Variants in OXR1 observed in about 807,000 individuals in gnomAD.
The protein encoded by OXR1 is oxidation resistance protein 1.
OXR1 carries 41 observed loss-of-function variants against 104.6 expected under a neutral mutation model. That is an observed-to-expected ratio of 0.39 (90% CI 0.31 to 0.51). OXR1 has a LOEUF of 0.51. Ranked by LOEUF, OXR1 falls within the 20% of genes least tolerant of loss-of-function variation. OXR1 has a pLI of 0.77. For synonymous variants in OXR1, 348 were observed against 348.4 expected (o/e 1.00, Z 0.01); for missense variants, 955 against 1,031.9 (o/e 0.93, Z 1.02).
rs71307084 is a variant in OXR1 at position 106,704,393 on chromosome 8, C to CTTTTTTT, written c.860+1328_860+1334dup. On this transcript the variant is annotated intron_variant, in intron 8 of 16. Coordinates refer to ENST00000517566, the MANE Select transcript of OXR1 (RefSeq NM_001198533.2). ...TTTTTCTTTTTCTTTCTTTCTTCTT[C>CTTTTTTT]TTTTTTTTTTTTTTTTTTTTTTTTT... is the stretch of plus-strand genomic sequence containing the variant. Among the ~76,000 whole-genome samples the CTTTTTTT allele has an allele frequency of 1.6e-3, 78 of 47,870 alleles. 2 individuals carry two copies. Among genetic ancestry groups the CTTTTTTT allele is most frequent in the East Asian group, 5.7e-3 (9 of 1,584 alleles). 31.4% of individuals were successfully genotyped at this position (47,870 alleles called of 152,430 possible).
At chr8:106,724,399 G>A (rs1587247551) in intron 11 of OXR1, among the ~76,000 whole-genome samples, 2 of 152,068 alleles carry the variant, frequency 1.3e-5, no homozygotes, top group African/African-American at 2.4e-5. Context: ...AAAACAGAAA[G>A]GGCAAGAAGG....
intron 3 of OXR1, among the ~76,000 whole-genome samples, chr8:106,669,295 AT>A (rs2131143267): frequency 6.6e-6 from 1 of 152,292 alleles, no homozygotes. Context: ...ATTACAATAC[AT>A]TGTGGATTCT....
At chr8:106,611,455 G>C (rs1359836016) in intron 3 of OXR1, among the ~76,000 whole-genome samples, 3 of 152,186 alleles carry the variant, frequency 2.0e-5, no homozygotes, top group Non-Finnish European at 4.4e-5. Flanking sequence ...GTGAGTGAAT[G>C]GAGAACACAA....
intron 1 of OXR1, among the ~76,000 whole-genome samples, chr8:106,339,204 T>C (rs1000541688): frequency 6.6e-6 from 1 of 151,856 alleles, no homozygotes; most frequent in African/African-American, 2.4e-5. Flanking sequence ...TTGATAAATA[T>C]AACAAAATTG....
chr8:106,624,426 A>C (rs1821980597), intron 3 of OXR1, among the ~76,000 whole-genome samples: 1 of 152,224 alleles, frequency 6.6e-6, no homozygotes, highest in Admixed American at 6.5e-5. Context: ...AATTGTGAGA[A>C]GAAAGCAGAA....
intron 2 of OXR1, among the ~76,000 whole-genome samples, chr8:106,475,522 C>A: frequency 6.6e-6 from 1 of 151,848 alleles, no homozygotes; most frequent in South Asian, 2.1e-4. Flanking sequence ...CTTGGTATAA[C>A]TTTCTGGAAA....
intron 2 of OXR1, among the ~76,000 whole-genome samples, chr8:106,493,359 C>T (rs1252769968): frequency 6.6e-6 from 1 of 152,108 alleles, no homozygotes; most frequent in Non-Finnish European, 1.5e-5. Flanking sequence ...CTCCTTTTAT[C>T]TCTTACCTTT....
chr8:106,553,441 C>T (rs1816028738), intron 3 of OXR1, among the ~76,000 whole-genome samples: 1 of 151,758 alleles, frequency 6.6e-6, no homozygotes, highest in Non-Finnish European at 1.5e-5. Flanking sequence ...ACCTCAGCCT[C>T]CCCCATAGGT....
chr8:106,677,665 G>A (rs1827737524), intron 3 of OXR1, among the ~76,000 whole-genome samples: 1 of 151,950 alleles, frequency 6.6e-6, no homozygotes, highest in South Asian at 2.1e-4. Flanking sequence ...TATATCTTTT[G>A]TGCATATTTT....
At chr8:106,714,226 A>G (rs1832009781) in intron 11 of OXR1, among the ~76,000 whole-genome samples, 1 of 152,020 alleles carries the variant, frequency 6.6e-6, no homozygotes, top group South Asian at 2.1e-4. Flanking sequence ...AATGACTTTT[A>G]TTGAGTGTCT....
chr8:106,303,073 T>C (rs1027507101), intron 1 of OXR1, among the ~76,000 whole-genome samples: 1 of 151,618 alleles, frequency 6.6e-6, no homozygotes, highest in Non-Finnish European at 1.5e-5. Flanking sequence ...TTTTTTTTTT[T>C]AAATTACAGA....
At chr8:106,348,300 C>G (rs538474754) in intron 1 of OXR1, among the ~76,000 whole-genome samples, 1 of 152,222 alleles carries the variant, frequency 6.6e-6, no homozygotes, top group South Asian at 2.1e-4. Context: ...AAAACACACA[C>G]AAACACACAC....
chr8:106,290,778 TA>T (rs1475710412), intron 1 of OXR1, among the ~76,000 whole-genome samples: 1 of 152,088 alleles, frequency 6.6e-6, no homozygotes, highest in Non-Finnish European at 1.5e-5. Flanking sequence ...TGGCTATTAT[TA>T]AAGTCAAACA....
chr8:106,496,700 G>T (rs1238599520), intron 2 of OXR1, among the ~76,000 whole-genome samples: 1 of 152,220 alleles, frequency 6.6e-6, no homozygotes, highest in Non-Finnish European at 1.5e-5. Context: ...GGAAGCCAGG[G>T]AGCTAATGAT....
At chr8:106,440,204 G>T (rs1819729186) in intron 2 of OXR1, among the ~76,000 whole-genome samples, 1 of 151,984 alleles carries the variant, frequency 6.6e-6, no homozygotes, top group Non-Finnish European at 1.5e-5. Context: ...ATAATTTATT[G>T]ATTTATTCCC....
intron 3 of OXR1, among the ~76,000 whole-genome samples, chr8:106,521,963 AG>A (rs1428467356): frequency 6.6e-6 from 1 of 152,226 alleles, no homozygotes; most frequent in Non-Finnish European, 1.5e-5. Context: ...ATCTCAGTTT[AG>A]AGTTTATACT....
intron 2 of OXR1, among the ~76,000 whole-genome samples, chr8:106,410,929 A>C (rs1226303345): frequency 6.6e-6 from 1 of 152,054 alleles, no homozygotes; most frequent in Non-Finnish European, 1.5e-5. Flanking sequence ...ATATTCATCC[A>C]ATTATTCACC....
At chr8:106,452,065 C>T (rs144048810) in intron 2 of OXR1, among the ~76,000 whole-genome samples, 312 of 152,268 alleles carry the variant, frequency 2.0e-3, no homozygotes, top group Admixed American at 4.2e-3. Context: ...GTATGCAGGA[C>T]ACATGGAACA....
intron 3 of OXR1, among the ~76,000 whole-genome samples, chr8:106,650,790 T>C (rs1824501455): frequency 6.6e-6 from 1 of 152,184 alleles, no homozygotes; most frequent in South Asian, 2.1e-4. Flanking sequence ...TTTTCAAAAA[T>C]TGAAGCATAC....
Sources: allele counts gnomAD v4.1 joint callset (sites outside exome capture counted in the v4.1 genomes callset), GRCh38; gene constraint gnomAD v4.1.1; transcripts MANE v1.5; gene names NCBI Gene and HGNC (gene_info 2026-07-23, HGNC 2026-07-21).